The following LTBP2 variants were observed in gnomAD, a reference collection of about 807,000 sequenced individuals.
LTBP2 encodes the protein latent-transforming growth factor beta-binding protein 2.
LTBP2 carries 103 observed loss-of-function variants against 210.6 expected under a neutral mutation model. The ratio of observed to expected loss-of-function variants is 0.49; its 90% CI spans 0.42 to 0.58. The LOEUF (loss-of-function observed/expected upper bound fraction) is 0.58. Ranked by LOEUF, LTBP2 falls within the 20% of genes least tolerant of loss-of-function variation. The pLI is 0.00. For missense variants in LTBP2, 2,313 were observed against 2,494.5 expected, an observed-to-expected ratio of 0.93 and a Z score of 1.55; for synonymous variants, 1,007 against 1,015.0, an observed-to-expected ratio of 0.99 and a Z score of 0.15.
intron 3 of LTBP2, among the ~76,000 whole-genome samples, chr14:74,579,707 C>T (rs752803956): frequency 6.6e-5 from 10 of 152,248 alleles, no homozygotes; most frequent in South Asian, 4.1e-4. Flanking sequence ...TGTCTCCCCA[C>T]GGACAAAAAC....
In LTBP2 at chr14:74,552,098, T is replaced by G. The variant is rs1191511996; in HGVS notation, c.1399+89A>C. 2.4e-6 allele frequency: 3 copies of G among 1,268,976 alleles called. No individual in the cohort carries two copies. In the African/African-American group the frequency reaches 4.4e-5, roughly 19 times the overall value. The allele number at this position is 1,268,976 out of a possible 1,614,324, so 78.6% of individuals were successfully genotyped here. A position where few individuals can be genotyped will look rare whatever the true frequency, so the allele number is the denominator to read the frequency against. On this transcript the variant is annotated intron_variant, in intron 6 of 35. Transcript: ENST00000261978. ...CATAAAGGAAGGACTACAGGCAGCT[T>G]CCCTATCCCTGTCACAGCCATGGTG...
At position 74,543,633 on chromosome 14, in the gene LTBP2, G is replaced by T. The variant is rs572079869; in HGVS notation, c.1789+6230C>A. 3.9e-4 allele frequency among the ~76,000 whole-genome samples: 59 copies of T among 151,346 alleles called. 1 individual carries two copies. Among genetic ancestry groups the T allele is most frequent in the East Asian group, 2.7e-3 (14 of 5,114 alleles). On this transcript the variant is annotated intron_variant, in intron 8 of 35. Transcript: ENST00000261978. Reference sequence around the variant, plus strand: ...TCCCTCACTAGCTGGGTGAATTTGGGCAGGTTACACAACCTCTTTGAGGCT... The same window carrying T: ...TCCCTCACTAGCTGGGTGAATTTGGTCAGGTTACACAACCTCTTTGAGGCT...
intron 33 of LTBP2, 109 bp downstream of exon 33, chr14:74,503,110 G>A (rs916496347): frequency 8.0e-5 from 122 of 1,534,022 alleles, no homozygotes; most frequent in Admixed American, 6.8e-5. Flanking sequence ...ATGGAAGACA[G>A]GGCCTTTGCT....
intron 2 of LTBP2, among the ~76,000 whole-genome samples, chr14:74,601,405 A>T (rs540524956): frequency 4.3e-4 from 66 of 152,278 alleles, no homozygotes; most frequent in East Asian, 2.5e-3. Context: ...AATTAATTAA[A>T]TAAAAATAAA....
chr14:74,545,520 C>A (rs560821486), intron 8 of LTBP2, among the ~76,000 whole-genome samples: 1 of 152,222 alleles, frequency 6.6e-6, no homozygotes, highest in Admixed American at 6.5e-5. Flanking sequence ...AATGGCAAGA[C>A]GATCTCATGG....
chr14:74,592,690 C>T (rs536405585), intron 2 of LTBP2, among the ~76,000 whole-genome samples: 1 of 152,252 alleles, frequency 6.6e-6, no homozygotes, highest in African/African-American at 2.4e-5. Context: ...CAGACCAGGC[C>T]TTATACTTGA....
intron 9 of LTBP2, 28 bp from the exon 10 acceptor site, chr14:74,532,576 G>A: frequency 1.2e-6 from 2 of 1,613,150 alleles, no homozygotes; most frequent in Non-Finnish European, 1.7e-6. Flanking sequence ...ATGACCAAGT[G>A]CCCGCCCCAC....
intron 2 of LTBP2, among the ~76,000 whole-genome samples, chr14:74,596,885 G>A (rs2088372941): frequency 6.6e-6 from 1 of 152,184 alleles, no homozygotes; most frequent in Non-Finnish European, 1.5e-5. Flanking sequence ...AAGTTGGGAT[G>A]AGGATGTCTG....
intron 15 of LTBP2, among the ~76,000 whole-genome samples, chr14:74,523,966 A>T (rs892750505): frequency 1.3e-5 from 2 of 152,116 alleles, no homozygotes; most frequent in Admixed American, 6.5e-5. Flanking sequence ...AGTTTGTGTC[A>T]GCCTTGGGGG....
intron 8 of LTBP2, among the ~76,000 whole-genome samples, chr14:74,537,699 C>T (rs1173427761): frequency 6.6e-6 from 1 of 152,216 alleles, no homozygotes; most frequent in Non-Finnish European, 1.5e-5. Context: ...TATATGTCCA[C>T]TGGTTCATCC....
intron 9 of LTBP2, among the ~76,000 whole-genome samples, 155 bp from the exon 10 acceptor site, chr14:74,532,703 T>A (rs2087367789): frequency 6.6e-6 from 1 of 152,210 alleles, no homozygotes. Context: ...TGCCTCAGTT[T>A]CCTCATTTGT....
chr14:74,564,177 A>T (rs868492689), intron 3 of LTBP2, among the ~76,000 whole-genome samples: 39 of 15,196 alleles, frequency 2.6e-3, no homozygotes, highest in African/African-American at 7.3e-3. Context: ...ATATATATTT[A>T]TATATATATT....
chr14:74,582,397 TACACACACACACAC>T lies in LTBP2; in HGVS notation c.830+3443_830+3456del, dbSNP rs58985238. ...GTGTACATGCACACACACACATACA[TACACACACACACAC>T]ACACACACACACACACACACACTCC... On this transcript the variant is annotated intron_variant, in intron 3 of 35. Transcript: ENST00000261978. 3.5e-3 allele frequency among the ~76,000 whole-genome samples: 488 copies of T among 140,832 alleles called. 2 individuals are homozygous for T. Among genetic ancestry groups the T allele is most frequent in the Non-Finnish European group, 6.3e-3 (409 of 65,042 alleles). The allele number at this position is 140,832 out of a possible 152,430, so 92.4% of individuals were successfully genotyped here.
chr14:74,595,538 G>C (rs2088348240), intron 2 of LTBP2, among the ~76,000 whole-genome samples: 2 of 152,158 alleles, frequency 1.3e-5, no homozygotes, highest in African/African-American at 4.8e-5. Context: ...CAGAGAAGCA[G>C]CTTCCAGGGG....
chr14:74,595,554 G>A (rs188027271), intron 2 of LTBP2, among the ~76,000 whole-genome samples: 1 of 152,354 alleles, frequency 6.6e-6, no homozygotes, highest in Admixed American at 6.5e-5. Flanking sequence ...AGGGGAGACA[G>A]TTCTAGGCTG....
chr14:74,503,495 C>G lies in LTBP2; in HGVS notation c.4694G>C (p.Arg1565Pro). Residue 1565 changes from arginine to proline, a missense_variant, in exon 32 of 36, where the codon CGC (arginine) becomes CCC (proline). Physicochemically the swap from Arg to Pro is moderately radical, Grantham distance 103. Around this residue, in one of 3 missense-constraint regions of LTBP2, gnomAD observed 443 missense variants for 501.4 expected, o/e 0.88. Transcript: ENST00000261978. ...PPLTLDLSQQRCMNSTSSTED... is the reference protein window; with the variant it reads ...PPLTLDLSQQPCMNSTSSTED... Reference sequence around the variant, plus strand: ...CGTGCTGCTGGTGCTGTTCATGCAGCGCTGCTGGCTGAGGTCCAGGGTGAG... The same window carrying G: ...CGTGCTGCTGGTGCTGTTCATGCAGGGCTGCTGGCTGAGGTCCAGGGTGAG... The G allele has an allele frequency of 6.2e-7, 1 of 1,612,434 alleles. No individual in the cohort carries two copies.
At chr14:74,578,486 C>T (rs2088091096) in intron 3 of LTBP2, among the ~76,000 whole-genome samples, 1 of 152,148 alleles carries the variant, frequency 6.6e-6, no homozygotes, top group Admixed American at 6.5e-5. Flanking sequence ...TTTAACCCCC[C>T]TGCCCCGGGC....
At position 74,550,947 on chromosome 14, in the gene LTBP2, G is replaced by C. The variant is rs934999; in HGVS notation, c.1686+117C>G. 0.97 allele frequency: 1,289,628 copies of C among 1,328,350 alleles called. 628,478 individuals carry two copies. Among genetic ancestry groups the C allele is most frequent in the Non-Finnish European group, 1 (939,616 of 942,890 alleles). The allele number at this position is 1,328,350 out of a possible 1,614,324, so 82.3% of individuals were successfully genotyped here. A position where few individuals can be genotyped will look rare whatever the true frequency, so the allele number is the denominator to read the frequency against. The stretch of plus-strand genomic sequence containing the variant: ...GTTTTCCCATCTGGGAAATGGGAGA[G>C]TCTGCAGACACTCACATTCCATAAG... On this transcript the variant is annotated intron_variant, in intron 7 of 35. Transcript: ENST00000261978.
chr14:74,598,186 T>G (rs901667529), intron 2 of LTBP2, among the ~76,000 whole-genome samples: 2 of 152,204 alleles, frequency 1.3e-5, no homozygotes, highest in African/African-American at 4.8e-5. Context: ...TGCCACAGTC[T>G]TCCACTTTGG....
Sources: gnomAD v4.1 joint callset for allele counts (sites outside exome capture counted in the v4.1 genomes callset) on GRCh38, gnomAD v4.1.1 for gene constraint, gnomAD v4.1.1 regional missense constraint, MANE v1.5 for transcripts, NCBI Gene and HGNC (gene_info 2026-07-23, HGNC 2026-07-21) for gene names.